MKX: variants seen among roughly 807,000 people sequenced by gnomAD.
MKX encodes the protein mohawk homeobox, also known as homeobox protein Mohawk.
In MKX, 13 loss-of-function variants were observed where a neutral mutation model predicts 36.0. The ratio of observed to expected loss-of-function variants is 0.36; its 90% CI spans 0.24 to 0.57. The LOEUF is 0.57. Among genes scored for constraint, MKX ranks in the 20% least tolerant of loss-of-function variants. The pLI is 0.79. For missense variants in MKX, 458 were observed against 456.4 expected (o/e 1.00, Z -0.03); for synonymous variants, 176 against 178.3 (o/e 0.99, Z 0.10).
chr10:27,721,729 C>T (rs970116288), intron 5 of MKX, among the ~76,000 whole-genome samples: 1 of 152,076 alleles, frequency 6.6e-6, no homozygotes, highest in East Asian at 1.9e-4. Context: ...CCACGGCACA[C>T]GTTAACCTAT....
At chr10:27,719,844 T>C (rs1834335982) in intron 5 of MKX, among the ~76,000 whole-genome samples, 1 of 151,720 alleles carries the variant, frequency 6.6e-6, no homozygotes, top group Non-Finnish European at 1.5e-5. Context: ...TAAAATTAGC[T>C]GGGCATGGTG....
At chr10:27,675,846 G>A (rs1589647057) in intron 5 of MKX, among the ~76,000 whole-genome samples, 1 of 152,340 alleles carries the variant, frequency 6.6e-6, no homozygotes, top group East Asian at 1.9e-4. Context: ...GAGACAAACA[G>A]CATAAGGAAA....
At chr10:27,712,770 G>A (rs1471561983) in intron 5 of MKX, among the ~76,000 whole-genome samples, 1 of 152,084 alleles carries the variant, frequency 6.6e-6, no homozygotes, top group African/African-American at 2.4e-5. Context: ...ACAAGACCCC[G>A]TCTCTACAAA....
Position 27,689,226 on chromosome 10 carries a change from C to T in MKX, c.839-13672G>A, listed in dbSNP as rs531414196. On this transcript the variant is annotated intron_variant, in intron 5 of 6. Coordinates refer to ENST00000419761, the MANE Select transcript of MKX (RefSeq NM_173576.3). ...GACACAATGAGAGAGGTGACGCTCA[C>T]AAACTTCTTGGCTCTTCACAAGAGC... is the stretch of plus-strand genomic sequence containing the variant. Among the ~76,000 whole-genome samples the T allele has an allele frequency of 2.6e-5, 4 of 152,326 alleles. 1 individual carries two copies. The East Asian group carries it at 7.7e-4, about 29-fold the overall frequency.
intron 5 of MKX, among the ~76,000 whole-genome samples, chr10:27,734,154 CTT>C (rs150668404): frequency 0.049 from 7,387 of 151,662 alleles, 578 homozygotes; most frequent in African/African-American, 0.17. Context: ...ATTCTTCCAT[CTT>C]GAGTTAATTT....
At chr10:27,692,620 A>G (rs1431288151) in intron 5 of MKX, among the ~76,000 whole-genome samples, 1 of 152,208 alleles carries the variant, frequency 6.6e-6, no homozygotes, top group Non-Finnish European at 1.5e-5. Flanking sequence ...AAGGTGACAA[A>G]TAGTATTCCA....
chr10:27,695,572 C>T (rs1035823499), intron 5 of MKX, among the ~76,000 whole-genome samples: 5 of 152,084 alleles, frequency 3.3e-5, no homozygotes, highest in African/African-American at 1.2e-4. Flanking sequence ...AGTATATAGA[C>T]TCTTATTTGG....
intron 5 of MKX, among the ~76,000 whole-genome samples, chr10:27,707,999 C>G (rs1190326003): frequency 2.0e-5 from 3 of 152,138 alleles, no homozygotes; most frequent in Non-Finnish European, 2.9e-5. Context: ...ACTTTGTATC[C>G]TTAAAATAGT....
At chr10:27,716,637 C>T (rs2132605921) in intron 5 of MKX, among the ~76,000 whole-genome samples, 1 of 152,230 alleles carries the variant, frequency 6.6e-6, no homozygotes, top group African/African-American at 2.4e-5. Flanking sequence ...GATTTGATTA[C>T]TCCATTTATA....
At chr10:27,731,894 A>G (rs1173372503) in intron 5 of MKX, among the ~76,000 whole-genome samples, 18 of 152,188 alleles carry the variant, frequency 1.2e-4, no homozygotes. Context: ...CATCTAATCT[A>G]TGTTTTTACC....
At chr10:27,682,033 C>G (rs1026361856) in intron 5 of MKX, among the ~76,000 whole-genome samples, 9 of 152,064 alleles carry the variant, frequency 5.9e-5, no homozygotes, top group Non-Finnish European at 1.3e-4. Context: ...CGTGTTATTG[C>G]CCCTGAAGAC....
intron 5 of MKX, among the ~76,000 whole-genome samples, chr10:27,729,709 G>A (rs920168963): frequency 6.6e-6 from 1 of 152,122 alleles, no homozygotes; most frequent in Non-Finnish European, 1.5e-5. Context: ...AACTCCACAG[G>A]TTTTATTTCA....
Position 27,675,541 on chromosome 10 carries a change from G to GT in MKX, c.851dup (p.Asn284LysfsTer5), listed in dbSNP as rs1836131531. 1 of 1,611,638 alleles carries GT rather than the reference G, an allele frequency of 6.2e-7. No homozygotes were observed. The highest frequency in any genetic ancestry group is 2.2e-5 in the East Asian group (1 of 44,876). ...CTCACCTTTCACCCTTATTGGATCCGTTTTCCAGAGTGTCTGTAAAGAAAA... is the reference window on the plus strand; with the variant it reads ...CTCACCTTTCACCCTTATTGGATCCGTTTTTCCAGAGTGTCTGTAAAGAAAA... On this transcript the variant is annotated frameshift_variant, in exon 6 of 7. Transcript: ENST00000419761. LOFTEE classifies it high-confidence loss of function.
chr10:27,676,380 C>CTTTTTTT (rs1176984277), intron 5 of MKX, among the ~76,000 whole-genome samples: 1 of 127,794 alleles, frequency 7.8e-6, no homozygotes, highest in South Asian at 2.5e-4. Context: ...TTTTCTTTTT[C>CTTTTTTT]TTTTTTTTTT....
At chr10:27,710,073 A>T (rs1228960079) in intron 5 of MKX, among the ~76,000 whole-genome samples, 1 of 152,190 alleles carries the variant, frequency 6.6e-6, no homozygotes, top group African/African-American at 2.4e-5. Context: ...GGGTTGCCTC[A>T]TGTGGCTATT....
chr10:27,721,982 T>C (rs1834390405), intron 5 of MKX, among the ~76,000 whole-genome samples: 1 of 152,186 alleles, frequency 6.6e-6, no homozygotes, highest in African/African-American at 2.4e-5. Context: ...AAAAGTAGTC[T>C]GATCATGATC....
At position 27,734,759 on chromosome 10, in the gene MKX, C is replaced by T. The variant is rs148956781; in HGVS notation, c.535G>A (p.Glu179Lys). ...TGAACTGGGGTATTATAGCCCCCTT[C>T]GTTCATGTGGGTTCTTGGAGGATTT... ...GENPPRTHMN[E>K]GGYNTPVHHP... The change falls in exon 5 of 7, where the codon GAA (glutamate) becomes AAA (lysine). Residue 179 changes from glutamate (E) to lysine (K), a missense_variant. Physicochemically the swap from Glu to Lys is moderately conservative, Grantham distance 56 (BLOSUM62 1). Coordinates refer to ENST00000419761, the MANE Select transcript of MKX (RefSeq NM_173576.3). The T allele has an allele frequency of 0.012, 18,995 of 1,613,016 alleles. 134 individuals are homozygous for T. The highest frequency in any genetic ancestry group is 0.014 in the Non-Finnish European group (16,448 of 1,179,286).
In MKX at chr10:27,741,284, C is replaced by T. The variant is rs1294140880; in HGVS notation, c.348+61G>A. The stretch of plus-strand genomic sequence containing the variant: ...CGTGGAGAGCCACACGAACTCTAAG[C>T]GTTCCCGCTCTTCAGCCCCTCGCGG... On this transcript the variant is annotated intron_variant, in intron 3 of 6. Transcript: ENST00000419761. The surrounding 1 kb of genome is among the most constrained non-coding windows in gnomAD (Gnocchi z 5.1). 1.3e-6 allele frequency: 2 copies of T among 1,594,212 alleles called. No individual in the cohort carries two copies. Among genetic ancestry groups the T allele is most frequent in the Non-Finnish European group, 1.7e-6 (2 of 1,169,246 alleles).
chr10:27,734,411 T>C (rs1482964910), intron 5 of MKX, 45 bp downstream of exon 5: 1 of 1,534,850 alleles, frequency 6.5e-7, no homozygotes, highest in East Asian at 2.2e-5. Flanking sequence ...TTAATTGTGC[T>C]TTAAACAGGT....
Sources: gnomAD v4.1 joint callset for allele counts (sites outside exome capture counted in the v4.1 genomes callset) on GRCh38, gnomAD v4.1.1 for gene constraint, Gnocchi (gnomAD v3.1) non-coding constraint, MANE v1.5 for transcripts, NCBI Gene and HGNC (gene_info 2026-07-23, HGNC 2026-07-21) for gene names.